Variants in DOCK8 observed in about 807,000 individuals in gnomAD.
DOCK8 encodes dedicator of cytokinesis 8.
A neutral mutation model predicts 245.6 loss-of-function variants in DOCK8; 141 were observed. That is an observed-to-expected ratio of 0.57 (90% CI 0.50 to 0.66). The LOEUF is 0.66. DOCK8 is among the 30% of genes least tolerant of loss of function. The pLI, the probability that DOCK8 is intolerant of heterozygous loss-of-function variation, is 0.00. For synonymous variants in DOCK8, 1,168 were observed against 970.2 expected (o/e 1.20, Z -3.79); for missense variants, 2,965 against 2,603.4 (o/e 1.14, Z -3.02).
At chr9:379,056 G>A (rs1414036452) in intron 20 of DOCK8, among the ~76,000 whole-genome samples, 1 of 152,152 alleles carries the variant, frequency 6.6e-6, no homozygotes, top group Non-Finnish European at 1.5e-5. Flanking sequence ...CCTAGGCGAG[G>A]ACAACAGCAT....
intron 4 of DOCK8, among the ~76,000 whole-genome samples, chr9:298,142 G>A (rs1410402388): frequency 6.6e-6 from 1 of 152,168 alleles, no homozygotes; most frequent in Non-Finnish European, 1.5e-5. Flanking sequence ...TTTGATTTTA[G>A]GGCCAGGTGG....
intron 26 of DOCK8, among the ~76,000 whole-genome samples, chr9:403,866 C>CTCTCTG (rs1564020837): frequency 4.0e-5 from 2 of 49,858 alleles, no homozygotes; most frequent in Non-Finnish European, 6.6e-5. Flanking sequence ...GTATCTCTCT[C>CTCTCTG]TCTCTCTCTC....
At chr9:372,783 C>G (rs1038083688) in intron 18 of DOCK8, among the ~76,000 whole-genome samples, 12 of 150,742 alleles carry the variant, frequency 8.0e-5, no homozygotes, top group Non-Finnish European at 1.6e-4. Flanking sequence ...TGCAGTGCAC[C>G]CATTTAAAGA....
At position 334,101 on chromosome 9, in the gene DOCK8, A is replaced by T. The variant is rs2051189330; in HGVS notation, c.1126-124A>T. The stretch of plus-strand genomic sequence containing the variant: ...ACTGTTTTTATTTTTTAGTGGGAAG[A>T]TATGTTTTTACTCTTTTTAATCAGT... On this transcript the variant is annotated intron_variant, in intron 10 of 47. Coordinates refer to ENST00000432829, the MANE Select transcript of DOCK8 (RefSeq NM_203447.4). 46 of 1,032,388 alleles carry T rather than the reference A, an allele frequency of 4.5e-5. No homozygotes were observed. The South Asian group carries it at 6.2e-4, about 14-fold the overall frequency. 64.0% of individuals were successfully genotyped at this position (1,032,388 alleles called of 1,614,324 possible).
intron 26 of DOCK8, among the ~76,000 whole-genome samples, chr9:404,579 T>G (rs1454374552): frequency 6.6e-6 from 1 of 152,146 alleles, no homozygotes; most frequent in African/African-American, 2.4e-5. Flanking sequence ...TCGAACATAG[T>G]AGAGTTTTTG....
intron 14 of DOCK8, among the ~76,000 whole-genome samples, chr9:345,800 G>C (rs1407423576): frequency 1.3e-5 from 2 of 152,082 alleles, no homozygotes; most frequent in Non-Finnish European, 2.9e-5. Context: ...TTGCGGTAAT[G>C]TGTGTGTGCT....
intron 7 of DOCK8, among the ~76,000 whole-genome samples, chr9:324,649 C>G (rs1256342874): frequency 6.6e-6 from 1 of 152,144 alleles, no homozygotes; most frequent in Non-Finnish European, 1.5e-5. Context: ...TCCCTGACCT[C>G]AACTCAGCAA....
At chr9:372,401 G>T in intron 18 of DOCK8, 115 bp downstream of exon 18, 1 of 853,922 alleles carries the variant, frequency 1.2e-6, no homozygotes. Flanking sequence ...TTCTCAGAGA[G>T]CACATTGTTC....
intron 45 of DOCK8, among the ~76,000 whole-genome samples, chr9:450,514 G>T (rs2057393538): frequency 6.6e-6 from 1 of 152,120 alleles, no homozygotes; most frequent in African/African-American, 2.4e-5. Flanking sequence ...TCAGATGAAG[G>T]GAGGTACCAG....
chr9:334,123 C>T, intron 10 of DOCK8, 102 bp from the exon 11 acceptor site: 2 of 1,281,536 alleles, frequency 1.6e-6, no homozygotes, highest in South Asian at 2.5e-5. Context: ...TCTTTTTAAT[C>T]AGTAGGGTTT....
At chr9:333,557 T>G (rs565894580) in intron 10 of DOCK8, among the ~76,000 whole-genome samples, 1 of 150,546 alleles carries the variant, frequency 6.6e-6, no homozygotes, top group Non-Finnish European at 1.5e-5. Context: ...GCCGAGATCG[T>G]GCCACTGCAC....
intron 5 of DOCK8, among the ~76,000 whole-genome samples, chr9:311,249 C>T (rs1347497866): frequency 6.6e-6 from 1 of 150,966 alleles, no homozygotes; most frequent in Non-Finnish European, 1.5e-5. Context: ...GGCGCCATTG[C>T]ACTCAAGCCT....
At chr9:345,767 G>A (rs777611674) in intron 14 of DOCK8, among the ~76,000 whole-genome samples, 4 of 152,102 alleles carry the variant, frequency 2.6e-5, no homozygotes, top group Non-Finnish European at 5.9e-5. Flanking sequence ...GCATTCTAGT[G>A]TATTAGGTTG....
At chr9:320,080 C>A (rs1358286663) in intron 7 of DOCK8, among the ~76,000 whole-genome samples, 15 of 152,228 alleles carry the variant, frequency 9.9e-5, no homozygotes, top group Admixed American at 9.8e-4. Context: ...ATTCTGGGGA[C>A]TACACTTAAA....
intron 1 of DOCK8, among the ~76,000 whole-genome samples, chr9:219,246 G>GA (rs2046831711): frequency 6.6e-6 from 1 of 152,182 alleles, no homozygotes; most frequent in Non-Finnish European, 1.5e-5. Flanking sequence ...AAGGCGGGAC[G>GA]ATCACCTGAG....
Position 399,267 on chromosome 9 carries a change from T to TGGGC in DOCK8, c.3234+8_3234+9insGGGC. 3 of 1,534,448 alleles carry TGGGC rather than the reference T, an allele frequency of 2.0e-6. No homozygotes were observed. Among genetic ancestry groups the TGGGC allele is most frequent in the East Asian group, 2.3e-5 (1 of 42,924 alleles). ...AGACATTATTGCAGCCAGGTGAGTG[T>TGGGC]CCCCCCCACCCCCACCCCCGAGCGA... On this transcript the variant is annotated intron_variant, in intron 26 of 47. Transcript: ENST00000432829.
intron 10 of DOCK8, among the ~76,000 whole-genome samples, chr9:333,554 T>TC (rs2051150359): frequency 6.6e-6 from 1 of 150,998 alleles, no homozygotes. Flanking sequence ...TGAGCCGAGA[T>TC]CGTGCCACTG....
intron 2 of DOCK8, among the ~76,000 whole-genome samples, chr9:277,299 C>T (rs2048384383): frequency 6.6e-6 from 1 of 151,848 alleles, no homozygotes. Context: ...GTGGCACATG[C>T]CTTTAGTCCC....
intron 5 of DOCK8, among the ~76,000 whole-genome samples, chr9:309,954 C>T (rs1490198862): frequency 6.6e-6 from 1 of 152,148 alleles, no homozygotes; most frequent in East Asian, 1.9e-4. Flanking sequence ...TTCACTTTGT[C>T]ACCCAGGCTG....
Sources: gnomAD v4.1 joint callset for allele counts (sites outside exome capture counted in the v4.1 genomes callset) on GRCh38, gnomAD v4.1.1 for gene constraint, MANE v1.5 for transcripts, NCBI Gene and HGNC (gene_info 2026-07-23, HGNC 2026-07-21) for gene names.